The following RTTN variants were observed in gnomAD, a reference collection of about 807,000 sequenced individuals.
RTTN encodes rotatin.
A neutral mutation model predicts 269.2 loss-of-function variants in RTTN; 182 were observed. The ratio of observed to expected loss-of-function variants is 0.68; its 90% CI spans 0.60 to 0.76. The LOEUF (loss-of-function observed/expected upper bound fraction) is 0.76. Ranked by LOEUF, RTTN falls within the 30% of genes least tolerant of loss-of-function variation. RTTN has a pLI of 0.00. For missense variants in RTTN, 2,545 were observed against 2,608.6 expected (o/e 0.98, Z 0.53); for synonymous variants, 1,006 against 963.5 (o/e 1.04, Z -0.82).
chr18:70,166,126 A>C lies in RTTN; in HGVS notation c.1865T>G (p.Met622Arg). Residue 622 changes from methionine to arginine, a missense_variant, in exon 14 of 49, where the codon ATG becomes AGG. Transcript: ENST00000640769. ...CACTCGTGGCAATGGGTGAGACAAC[A>C]TATGGAGAAGCACCTTCTGACTTTC... ...QGESQKVLLH[M>R]LSHPLPRVKA... 6.2e-7 allele frequency: 1 copy of C among 1,613,838 alleles called. No individual in the cohort carries two copies. The highest frequency in any genetic ancestry group is 8.5e-7 in the Non-Finnish European group (1 of 1,179,770).
At chr18:70,036,871 T>A (rs2144677648) in intron 40 of RTTN, among the ~76,000 whole-genome samples, 1 of 152,256 alleles carries the variant, frequency 6.6e-6, no homozygotes, top group South Asian at 2.1e-4. Context: ...TGTGTACGGC[T>A]AAAAGAGGAA....
chr18:70,120,376 C>T (rs538423762), intron 26 of RTTN, among the ~76,000 whole-genome samples: 8 of 152,144 alleles, frequency 5.3e-5, no homozygotes, highest in Non-Finnish European at 7.4e-5. Flanking sequence ...CAGCCTAAGA[C>T]GATAATAAAC....
At chr18:70,116,419 G>GT (rs926554451) in intron 26 of RTTN, among the ~76,000 whole-genome samples, 3 of 151,264 alleles carry the variant, frequency 2.0e-5, no homozygotes, top group African/African-American at 2.4e-5. Flanking sequence ...GATTACTGAA[G>GT]TTTTTTTTTC....
At chr18:70,145,353 A>G (rs1284910221) in intron 18 of RTTN, among the ~76,000 whole-genome samples, 1 of 152,166 alleles carries the variant, frequency 6.6e-6, no homozygotes, top group Non-Finnish European at 1.5e-5. Context: ...GAATCATCCC[A>G]AAACAATACT....
At chr18:70,037,895 A>T (rs4891389) in intron 40 of RTTN, among the ~76,000 whole-genome samples, 122,759 of 152,096 alleles carry the variant, frequency 0.81, 53,956 homozygotes, top group East Asian at 1. Context: ...CTGAAGGGTG[A>T]GCCCCAGGTC....
At chr18:70,153,749 T>C (rs1183931003) in intron 14 of RTTN, among the ~76,000 whole-genome samples, 1 of 152,166 alleles carries the variant, frequency 6.6e-6, no homozygotes, top group Admixed American at 6.5e-5. Context: ...CAAATCCTTA[T>C]ATCCAAACCA....
chr18:70,131,452 G>A (rs1008481396), intron 23 of RTTN: 1 of 151,246 alleles, frequency 6.6e-6, no homozygotes, highest in African/African-American at 2.4e-5. Flanking sequence ...CTGGGATGTG[G>A]TAAAAATACT....
intron 10 of RTTN, among the ~76,000 whole-genome samples, chr18:70,177,899 T>C (rs2061339855): frequency 6.6e-6 from 1 of 151,980 alleles, no homozygotes; most frequent in African/African-American, 2.4e-5. Context: ...AAACACAGAA[T>C]TATCATATGA....
At chr18:70,034,520 A>G (rs1442894799) in intron 40 of RTTN, among the ~76,000 whole-genome samples, 2 of 152,198 alleles carry the variant, frequency 1.3e-5, no homozygotes, top group African/African-American at 4.8e-5. Context: ...ACTCCTAACA[A>G]ATTAGGTATT....
At chr18:70,015,556 T>C (rs1230241837) in intron 46 of RTTN, among the ~76,000 whole-genome samples, 1 of 152,088 alleles carries the variant, frequency 6.6e-6, no homozygotes, top group Non-Finnish European at 1.5e-5. Context: ...CCCTTTATAG[T>C]TCCACACAGA....
chr18:70,204,246 T>TAGTCCAAA lies in RTTN; in HGVS notation c.236_237insTTTGGACT (p.Gln79HisfsTer12). ...CTACTGCACCAACGTCAACCAAATG[T>TAGTCCAAA]TGGACTGCTGGGGGATACTAAAATA... On this transcript the variant is annotated frameshift_variant, in exon 3 of 49. Coordinates refer to ENST00000640769, the MANE Select transcript of RTTN (RefSeq NM_173630.4). LOFTEE classifies it high-confidence loss of function. The TAGTCCAAA allele has an allele frequency of 6.2e-7, 1 of 1,612,068 alleles. No individual in the cohort carries two copies. The highest frequency in any genetic ancestry group is 8.5e-7 in the Non-Finnish European group (1 of 1,179,492).
intron 30 of RTTN, among the ~76,000 whole-genome samples, chr18:70,089,318 G>A (rs2058781094): frequency 6.6e-6 from 1 of 152,208 alleles, no homozygotes; most frequent in Non-Finnish European, 1.5e-5. Context: ...GCTCCAAGGA[G>A]AGGTCATATG....
intron 48 of RTTN, 26 bp downstream of exon 48, chr18:70,005,172 A>G (rs2056145098): frequency 1.9e-6 from 3 of 1,551,436 alleles, no homozygotes; most frequent in Non-Finnish European, 2.7e-6. Context: ...GAGTTTAACT[A>G]TAATCTCTTT....
chr18:70,103,231 G>T (rs1312996245), intron 28 of RTTN, among the ~76,000 whole-genome samples: 2 of 152,198 alleles, frequency 1.3e-5, no homozygotes, highest in Non-Finnish European at 2.9e-5. Flanking sequence ...GTGACAGCCT[G>T]TCTGCAGGGG....
chr18:70,193,978 T>G (rs1480058347), intron 7 of RTTN, among the ~76,000 whole-genome samples: 1 of 152,162 alleles, frequency 6.6e-6, no homozygotes, highest in Non-Finnish European at 1.5e-5. Context: ...CAAGGGAACA[T>G]TACAAGAAAG....
chr18:70,074,052 T>C (rs983558519), intron 33 of RTTN, 58 bp from the exon 34 acceptor site: 9 of 1,189,830 alleles, frequency 7.6e-6, no homozygotes, highest in African/African-American at 1.5e-5. Context: ...TAACAATTAA[T>C]TAAAAGGGTA....
At chr18:70,065,336 A>C (rs896892299) in intron 35 of RTTN, among the ~76,000 whole-genome samples, 1 of 151,726 alleles carries the variant, frequency 6.6e-6, no homozygotes, top group Non-Finnish European at 1.5e-5. Context: ...AGTTCCCAGC[A>C]CAAGGAGCAA....
At chr18:70,122,933 C>A (rs2059775485) in intron 25 of RTTN, among the ~76,000 whole-genome samples, 1 of 152,034 alleles carries the variant, frequency 6.6e-6, no homozygotes, top group South Asian at 2.1e-4. Flanking sequence ...TTTATAACCA[C>A]CCTCATATCC....
chr18:70,022,553 C>T (rs990000565), intron 44 of RTTN, among the ~76,000 whole-genome samples: 2 of 152,122 alleles, frequency 1.3e-5, no homozygotes, highest in African/African-American at 4.8e-5. Flanking sequence ...TTTCTTTGTC[C>T]TCTTAAGAGT....
Sources: gnomAD v4.1 joint callset for allele counts (sites outside exome capture counted in the v4.1 genomes callset) on GRCh38, gnomAD v4.1.1 for gene constraint, MANE v1.5 for transcripts, NCBI Gene and HGNC (gene_info 2026-07-23, HGNC 2026-07-21) for gene names.